The following TLCD4 variants were observed in gnomAD, a reference collection of about 807,000 sequenced individuals.
TLCD4 encodes the protein TLC domain-containing protein 4.
A neutral mutation model predicts 24.2 loss-of-function variants in TLCD4; 7 were observed. The observed-to-expected ratio is 0.29, with a 90% CI of 0.16 to 0.54. The LOEUF (loss-of-function observed/expected upper bound fraction) is 0.54, where lower values mean the gene tolerates loss of function less well. TLCD4 is among the 20% of genes least tolerant of loss of function. The pLI is 0.95. For missense variants in TLCD4, 259 were observed against 313.9 expected (o/e 0.82, Z 1.32); for synonymous variants, 103 against 106.4 (o/e 0.97, Z 0.20).
intron 5 of TLCD4, among the ~76,000 whole-genome samples, chr1:95,166,671 C>T: frequency 6.6e-6 from 1 of 152,142 alleles, no homozygotes; most frequent in Non-Finnish European, 1.5e-5. Context: ...AATGATTGCA[C>T]CTAGGCAGGA....
chr1:95,178,857 A>G (rs992986270), intron 6 of TLCD4, among the ~76,000 whole-genome samples: 1 of 152,174 alleles, frequency 6.6e-6, no homozygotes, highest in South Asian at 2.1e-4. Context: ...TTGAATCAAC[A>G]TGTGTAAAGT....
rs1200286415 is a variant in TLCD4, at chr1:95,150,887, TATTTCTATTCAATA to T, written c.305-435_305-422del. ...TCAGTCACTTAAGCTTATTTAAAAT[TATTTCTATTCAATA>T]ATATTTTTTGTTTATTTTAACTCTG... On this transcript the variant is annotated intron_variant, in intron 4 of 6. Transcript: ENST00000370203. Among the ~76,000 whole-genome samples, 20 of 152,298 alleles carry T rather than the reference TATTTCTATTCAATA, an allele frequency of 1.3e-4. No individual in the cohort carries two copies. The South Asian group carries it at 3.9e-3, about 30-fold the overall frequency.
chr1:95,144,697 A>G (rs34537407), intron 2 of TLCD4, among the ~76,000 whole-genome samples: 10,315 of 150,828 alleles, frequency 0.068, 405 homozygotes, highest in Non-Finnish European at 0.09. Context: ...TTATTTGTTT[A>G]TTTATTTTTT....
Position 95,192,258 on chromosome 1 carries a change from C to T in TLCD4, c.*390C>T, listed in dbSNP as rs1553173822. ...AGGTTGCAGTGAGCTGATATTGTGC[C>T]ACTGCACTCCAGCCTGGGCGACAGA... On this transcript the variant is annotated 3_prime_UTR_variant, in exon 7 of 7. Transcript: ENST00000370203. The T allele has an allele frequency of 1.3e-5, 2 of 157,568 alleles. No individual in the cohort carries two copies. Among genetic ancestry groups the T allele is most frequent in the Non-Finnish European group, 1.4e-5 (1 of 72,968 alleles). The allele number at this position is 157,568 out of a possible 1,614,324, so 9.8% of individuals were successfully genotyped here. A position where few individuals can be genotyped will look rare whatever the true frequency, so the allele number is the denominator to read the frequency against.
chr1:95,109,956 T>TACAC, the TLCD4 span, among the ~76,000 whole-genome samples: 114 of 89,464 alleles, frequency 1.3e-3, no homozygotes, highest in Non-Finnish European at 1.3e-3. Flanking sequence ...TATATATATA[T>TACAC]ATACACACAC....
Position 95,197,174 on chromosome 1 carries a change from C to T in TLCD4, c.*5306C>T, listed in dbSNP as rs1326698033. 1 of 152,012 alleles carries T rather than the reference C, an allele frequency of 6.6e-6. No individual in the cohort carries two copies. The highest frequency in any genetic ancestry group is 1.5e-5 in the Non-Finnish European group (1 of 67,990). The allele number at this position is 152,012 out of a possible 1,614,324, so 9.4% of individuals were successfully genotyped here. ...TACCTTCTAATTTATTTCCATAAGG[C>T]TGAAGAACTTTTATTTACAAAATGT... On this transcript the variant is annotated 3_prime_UTR_variant, in exon 7 of 7. Coordinates refer to ENST00000370203, the MANE Select transcript of TLCD4 (RefSeq NM_152487.3).
chr1:95,127,540 A>G (rs942337005), intron 1 of TLCD4, among the ~76,000 whole-genome samples: 26 of 152,232 alleles, frequency 1.7e-4, no homozygotes, highest in African/African-American at 6.0e-4. Context: ...GCAAAAAGCC[A>G]TGAGATGTTC....
the TLCD4 span, among the ~76,000 whole-genome samples, chr1:95,109,256 G>A: frequency 3.3e-5 from 5 of 152,130 alleles, no homozygotes; most frequent in Non-Finnish European, 7.3e-5. Flanking sequence ...GGGCCCAGGA[G>A]GTTGATGCTA....
the TLCD4 span, among the ~76,000 whole-genome samples, chr1:95,100,089 A>G: frequency 3.3e-5 from 5 of 152,130 alleles, no homozygotes; most frequent in Non-Finnish European, 7.3e-5. Context: ...TGGACAACAG[A>G]GTGAGACCCC....
chr1:95,159,544 C>G (rs1488039403), intron 5 of TLCD4, among the ~76,000 whole-genome samples: 1 of 152,072 alleles, frequency 6.6e-6, no homozygotes, highest in Non-Finnish European at 1.5e-5. Context: ...CTTTTGTTGC[C>G]ATTGCTTTTG....
At chr1:95,114,947 C>T (rs1676401417), upstream of TLCD4, among the ~76,000 whole-genome samples, 3 of 151,898 alleles carry the variant, frequency 2.0e-5, no homozygotes, top group South Asian at 2.1e-4. Flanking sequence ...AAGTGCAATT[C>T]GGTCTTTATA....
intron 1 of TLCD4, among the ~76,000 whole-genome samples, chr1:95,139,045 T>A (rs1407655194): frequency 8.3e-4 from 100 of 120,088 alleles, no homozygotes; most frequent in Non-Finnish European, 1.3e-3. Context: ...AAAAAAAAAA[T>A]GAGCTGGGTG....
At chr1:95,166,976 C>A (rs1418612420) in intron 5 of TLCD4, among the ~76,000 whole-genome samples, 2 of 152,130 alleles carry the variant, frequency 1.3e-5, no homozygotes, top group African/African-American at 2.4e-5. Context: ...CTCAAGCGAT[C>A]CTCCTGCCTC....
intron 1 of TLCD4, among the ~76,000 whole-genome samples, chr1:95,142,394 A>G (rs1252678572): frequency 2.7e-5 from 4 of 148,570 alleles, no homozygotes; most frequent in African/African-American, 1.0e-4. Flanking sequence ...TTAAATTCTC[A>G]TTTGTGCAGT....
chr1:95,178,563 CTTTTTTTTTTTTT>C (rs57190787), intron 6 of TLCD4, among the ~76,000 whole-genome samples: 1 of 82,360 alleles, frequency 1.2e-5, no homozygotes, highest in Non-Finnish European at 2.2e-5. Context: ...ATGCCCAGCC[CTTTTTTTTTTTTT>C]TTTTTTTTTT....
upstream of TLCD4, among the ~76,000 whole-genome samples, chr1:95,116,321 C>A (rs1275962058): frequency 1.3e-5 from 2 of 152,116 alleles, no homozygotes; most frequent in Non-Finnish European, 2.9e-5. Flanking sequence ...GATTTAAATT[C>A]TATTGCCCTC....
intron 5 of TLCD4, among the ~76,000 whole-genome samples, chr1:95,167,259 C>T (rs1435825005): frequency 6.6e-6 from 1 of 152,108 alleles, no homozygotes; most frequent in Non-Finnish European, 1.5e-5. Context: ...ATACCACAGG[C>T]GTATTGTCAT....
rs567533404 is a variant in TLCD4 at position 95,128,885 on chromosome 1, A to T, written c.-12+11268A>T. On this transcript the variant is annotated intron_variant, in intron 1 of 6. Transcript: ENST00000370203. ...CAAGGAAAGATAGGATTATGACAGG[A>T]AAAGAAAAGTCTTAGATTAAAGAAA... is the stretch of plus-strand genomic sequence containing the variant. Among the ~76,000 whole-genome samples the T allele has an allele frequency of 1.8e-4, 28 of 152,340 alleles. No individual in the cohort carries two copies. The South Asian group carries it at 4.6e-3, about 25-fold the overall frequency.
chr1:95,093,079 C>T, the TLCD4 span, among the ~76,000 whole-genome samples: 1 of 152,194 alleles, frequency 6.6e-6, no homozygotes, highest in African/African-American at 2.4e-5. Flanking sequence ...CTAAAGAAAC[C>T]ACAAATCTGA....
Sources: allele counts gnomAD v4.1 joint callset (sites outside exome capture counted in the v4.1 genomes callset), GRCh38; gene constraint gnomAD v4.1.1; transcripts MANE v1.5; gene names NCBI Gene and HGNC (gene_info 2026-07-23, HGNC 2026-07-21).